ADAMTS15: variants seen among roughly 807,000 people sequenced by gnomAD.
ADAMTS15 encodes ADAM metallopeptidase with thrombospondin type 1 motif 15, also known as A disintegrin and metalloproteinase with thrombospondin motifs 15.
Under a neutral mutation model 79.1 loss-of-function variants are expected in ADAMTS15, and 35 were observed. The observed-to-expected ratio is 0.44, with a 90% confidence interval of 0.34 to 0.59. ADAMTS15 has a LOEUF of 0.59. Among genes scored for constraint, ADAMTS15 ranks in the 20% least tolerant of loss-of-function variants. The pLI, the probability that ADAMTS15 is intolerant of heterozygous loss-of-function variation, is 0.02. For synonymous variants in ADAMTS15, 616 were observed against 567.3 expected, an observed-to-expected ratio of 1.09 and a Z score of -1.22; for missense variants, 1,324 against 1,318.7, an observed-to-expected ratio of 1.00 and a Z score of -0.06.
intron 1 of ADAMTS15, among the ~76,000 whole-genome samples, chr11:130,458,192 T>C (rs1431419914): frequency 1.3e-5 from 2 of 152,176 alleles, no homozygotes; most frequent in African/African-American, 4.8e-5. Flanking sequence ...GTCTGAGCAT[T>C]CAATCTGGTC....
intron 4 of ADAMTS15, among the ~76,000 whole-genome samples, chr11:130,467,345 C>T (rs1592148971): frequency 1.3e-5 from 2 of 152,056 alleles, no homozygotes; most frequent in East Asian, 1.9e-4. Context: ...AAAGAGCAAA[C>T]GTGGGTGACG....
intron 5 of ADAMTS15, among the ~76,000 whole-genome samples, chr11:130,470,134 A>ATATATATATATATATATGTG (rs1938395031): frequency 1.4e-5 from 1 of 71,026 alleles, no homozygotes; most frequent in Non-Finnish European, 2.6e-5. Context: ...ATATATATAC[A>ATATATATATATATATATGTG]TATATATATA....
chr11:130,470,133 CATATAT>C (rs1244452788), intron 5 of ADAMTS15, among the ~76,000 whole-genome samples: 7 of 74,794 alleles, frequency 9.4e-5, no homozygotes, highest in South Asian at 3.8e-4. Flanking sequence ...TATATATATA[CATATAT>C]ATATATATAT....
At chr11:130,465,993 C>T (rs1938292568) in intron 4 of ADAMTS15, among the ~76,000 whole-genome samples, 2 of 152,202 alleles carry the variant, frequency 1.3e-5, no homozygotes, top group Middle Eastern at 3.4e-3. Flanking sequence ...CTGCCACAGC[C>T]TCCCCAGTAG....
rs760835453 is a variant in ADAMTS15 at position 130,462,188 on chromosome 11, G to A, written c.1192G>A (p.Asp398Asn). The A allele has an allele frequency of 1.5e-5, 24 of 1,614,070 alleles. No individual in the cohort carries two copies. The highest frequency in any genetic ancestry group is 8.8e-5 in the South Asian group (8 of 91,082). ...HMMSPTLIQI[D>N]RANPWSACSA... ...GATGTCCCCGACCCTCATCCAGATC[G>A]ACCGTGCCAACCCCTGGTCAGCCTG... The change falls in exon 3 of 8, where the codon GAC becomes AAC. Residue 398 changes from aspartate (D) to asparagine (N), a missense_variant. Physicochemically the swap from Asp to Asn is conservative, Grantham distance 23. Transcript: ENST00000299164. The surrounding 1 kb of genome is among the most constrained non-coding windows in gnomAD (Gnocchi z 4.3).
chr11:130,469,161 G>C (rs1938369877), intron 4 of ADAMTS15, 101 bp from the exon 5 acceptor site: 1 of 1,098,396 alleles, frequency 9.1e-7, no homozygotes, highest in East Asian at 2.9e-5. Context: ...CAGGAAGGTG[G>C]GATGAGAACT....
chr11:130,470,158 A>ATATATATATATATGTATATATG (rs1938403948), intron 5 of ADAMTS15, among the ~76,000 whole-genome samples: 8 of 50,038 alleles, frequency 1.6e-4, no homozygotes, highest in African/African-American at 2.3e-4. Flanking sequence ...ATATGTGTAT[A>ATATATATATATATGTATATATG]TATATATATA....
intron 1 of ADAMTS15, among the ~76,000 whole-genome samples, chr11:130,457,349 T>C (rs1938105775): frequency 6.6e-6 from 1 of 152,092 alleles, no homozygotes; most frequent in Non-Finnish European, 1.5e-5. Flanking sequence ...AGGAAGGTGG[T>C]TCACAGGGAT....
intron 4 of ADAMTS15, among the ~76,000 whole-genome samples, chr11:130,464,095 C>T (rs1425103814): frequency 6.6e-6 from 1 of 151,008 alleles, no homozygotes; most frequent in Non-Finnish European, 1.5e-5. Context: ...TGGGAACCAT[C>T]TTCAGGAAGG....
chr11:130,454,255 T>C (rs920662062), intron 1 of ADAMTS15, among the ~76,000 whole-genome samples: 1 of 152,222 alleles, frequency 6.6e-6, no homozygotes, highest in African/African-American at 2.4e-5. Flanking sequence ...GCAGTCTTTC[T>C]CTTCCCCCTT....
intron 4 of ADAMTS15, among the ~76,000 whole-genome samples, chr11:130,464,606 C>G (rs920508960): frequency 6.6e-6 from 1 of 152,102 alleles, no homozygotes; most frequent in African/African-American, 2.4e-5. Context: ...CCCTTCCCAT[C>G]ATGCCTTCCC....
chr11:130,471,195 T>C lies in ADAMTS15; in HGVS notation c.1903-13T>C. 2 of 1,591,082 alleles carry C rather than the reference T, an allele frequency of 1.3e-6. No homozygotes were observed. Among genetic ancestry groups the C allele is most frequent in the South Asian group, 1.1e-5 (1 of 87,462 alleles). On this transcript the variant is annotated splice_polypyrimidine_tract_variant and intron_variant, in intron 6 of 7. Coordinates refer to ENST00000299164, the MANE Select transcript of ADAMTS15 (RefSeq NM_139055.4). ...CTGCTCTTCCTTCTTTTTCCCCTTC[T>C]GGGGTGCTGCAGGTGGTGGACGGCA...
At chr11:130,461,731 C>T in intron 2 of ADAMTS15, 110 bp downstream of exon 2, 1 of 1,468,284 alleles carries the variant, frequency 6.8e-7, no homozygotes, top group Non-Finnish European at 9.2e-7. Flanking sequence ...AGGACCCCTT[C>T]TTAGGGCACA....
rs781139491 is a variant in ADAMTS15, at chr11:130,462,577, C to G, written c.1339C>G (p.Gln447Glu). ...GGGCGCCAGCTACACCCTGAGCCAG[C>G]AGTGCGAGCTGGCTTTTGGCGTGGG... is the stretch of plus-strand genomic sequence containing the variant. ...LPGASYTLSQ[Q>E]CELAFGVGSK... is the part of the protein sequence containing the mutation. The change falls in exon 4 of 8, where the codon CAG becomes GAG. Residue 447 changes from glutamine to glutamate, a missense_variant. Physicochemically the swap from Gln to Glu is conservative, Grantham distance 29. Coordinates refer to ENST00000299164, the MANE Select transcript of ADAMTS15 (RefSeq NM_139055.4). The surrounding 1 kb of genome is among the most constrained non-coding windows in gnomAD (Gnocchi z 4.3). 5.0e-6 allele frequency: 8 copies of G among 1,613,390 alleles called. No homozygotes were observed. In the South Asian group the frequency reaches 6.6e-5, roughly 13 times the overall value.
chr11:130,449,321 T>C lies in ADAMTS15; in HGVS notation c.348T>C (p.Ala116=). Residue 116 remains alanine (A), a synonymous_variant, in exon 1 of 8, where the codon GCT becomes GCC. Transcript: ENST00000299164. This position sits in a 1 kb window ranked among gnomAD's most constrained non-coding sequence, Gnocchi z 7.8. ...DVNAEPDSFA[A]VSLCGGLRGA... Reference sequence around the variant, plus strand: ...ACGCCGAGCCGGACTCGTTCGCTGCTGTGAGCCTGTGCGGGGGGCTCCGCG... The same window carrying C: ...ACGCCGAGCCGGACTCGTTCGCTGCCGTGAGCCTGTGCGGGGGGCTCCGCG... The C allele has an allele frequency of 1.2e-6, 2 of 1,610,012 alleles. No homozygotes were observed. Among genetic ancestry groups the C allele is most frequent in the African/African-American group, 1.3e-5 (1 of 75,072 alleles).
At chr11:130,454,952 G>A (rs1938042267) in intron 1 of ADAMTS15, among the ~76,000 whole-genome samples, 1 of 151,980 alleles carries the variant, frequency 6.6e-6, no homozygotes, top group South Asian at 2.1e-4. Flanking sequence ...CCCACCCCTG[G>A]AATTTTCCCC....
At chr11:130,468,790 A>G (rs1197904213) in intron 4 of ADAMTS15, among the ~76,000 whole-genome samples, 1 of 147,302 alleles carries the variant, frequency 6.8e-6, no homozygotes, top group Admixed American at 6.7e-5. Flanking sequence ...AAAAATAATT[A>G]GCCGGGCATG....
At chr11:130,465,466 C>T (rs1938281364) in intron 4 of ADAMTS15, among the ~76,000 whole-genome samples, 1 of 152,208 alleles carries the variant, frequency 6.6e-6, no homozygotes, top group African/African-American at 2.4e-5. Context: ...TTTCTCCCAT[C>T]TGAAACAAAA....
At chr11:130,452,224 C>T (rs763191475) in intron 1 of ADAMTS15, among the ~76,000 whole-genome samples, 6 of 152,046 alleles carry the variant, frequency 3.9e-5, no homozygotes, top group Non-Finnish European at 4.4e-5. Context: ...CTTAACTGCC[C>T]GGAAAGGAGA....
Sources: gnomAD v4.1 joint callset for allele counts (sites outside exome capture counted in the v4.1 genomes callset) on GRCh38, gnomAD v4.1.1 for gene constraint, Gnocchi (gnomAD v3.1) non-coding constraint, MANE v1.5 for transcripts, NCBI Gene and HGNC (gene_info 2026-07-23, HGNC 2026-07-21) for gene names.